NT5DC1: variants seen among roughly 807,000 people sequenced by gnomAD.
NT5DC1 encodes the protein 5'-nucleotidase domain-containing protein 1.
In NT5DC1, 42 loss-of-function variants were observed where a neutral mutation model predicts 59.4. The ratio of observed to expected loss-of-function variants is 0.71; its 90% CI spans 0.55 to 0.92. The LOEUF is 0.92. NT5DC1 is among the 40% of genes least tolerant of loss of function. The probability of loss-of-function intolerance (pLI) is 0.00; values close to 1 mark genes in which losing one functional copy is unlikely to be tolerated. For synonymous variants in NT5DC1, 172 were observed against 188.1 expected (o/e 0.91, Z 0.70); for missense variants, 501 against 537.1 (o/e 0.93, Z 0.66).
chr6:116,105,507 G>A (rs549996149), intron 1 of NT5DC1, among the ~76,000 whole-genome samples: 3 of 152,306 alleles, frequency 2.0e-5, no homozygotes, highest in African/African-American at 7.2e-5. Flanking sequence ...AGAACACTTC[G>A]AGGTAGAATA....
At chr6:116,200,272 A>G (rs550212737) in intron 6 of NT5DC1, among the ~76,000 whole-genome samples, 5 of 152,068 alleles carry the variant, frequency 3.3e-5, no homozygotes, top group Non-Finnish European at 7.4e-5. Context: ...GTCTGAAACT[A>G]TGTCACGGTC....
rs1771794327 is a variant in NT5DC1, at chr6:116,244,239, T to C, written c.*215T>C. ...CCTAAAACTTAGAACCTTATTGATATTTTCTATACAGTAGTTTTGTGATTA... is the reference window on the plus strand; with the variant it reads ...CCTAAAACTTAGAACCTTATTGATACTTTCTATACAGTAGTTTTGTGATTA... On this transcript the variant is annotated 3_prime_UTR_variant, in exon 12 of 12. Coordinates refer to ENST00000319550, the MANE Select transcript of NT5DC1 (RefSeq NM_152729.3). The C allele has an allele frequency of 2.8e-6, 1 of 354,030 alleles. No individual in the cohort carries two copies. The highest frequency in any genetic ancestry group is 5.1e-6 in the Non-Finnish European group (1 of 195,758). 21.9% of individuals were successfully genotyped at this position (354,030 alleles called of 1,614,324 possible). A position where few individuals can be genotyped will look rare whatever the true frequency, so the allele number is the denominator to read the frequency against.
At chr6:116,115,313 G>T (rs755059304) in intron 4 of NT5DC1, among the ~76,000 whole-genome samples, 1 of 152,136 alleles carries the variant, frequency 6.6e-6, no homozygotes, top group Non-Finnish European at 1.5e-5. Context: ...TGTATAGAGC[G>T]CTTCATGGTA....
At chr6:116,170,464 T>C (rs1780580344) in intron 6 of NT5DC1, among the ~76,000 whole-genome samples, 1 of 152,184 alleles carries the variant, frequency 6.6e-6, no homozygotes, top group South Asian at 2.1e-4. Context: ...ATAGCCACCA[T>C]TTTCTCATAG....
intron 6 of NT5DC1, among the ~76,000 whole-genome samples, chr6:116,144,361 C>T (rs778207329): frequency 2.0e-5 from 3 of 151,964 alleles, no homozygotes; most frequent in South Asian, 2.1e-4. Context: ...ATTAGCTGGG[C>T]GTGATGGTGC....
chr6:116,178,070 T>C (rs1011083175), intron 6 of NT5DC1, among the ~76,000 whole-genome samples: 8 of 110,640 alleles, frequency 7.2e-5, no homozygotes, highest in African/African-American at 3.4e-4. Context: ...TGTGTGTGTG[T>C]GTGTGTGTGT....
At chr6:116,181,342 A>C (rs867776107) in intron 6 of NT5DC1, among the ~76,000 whole-genome samples, 1 of 152,134 alleles carries the variant, frequency 6.6e-6, no homozygotes, top group Non-Finnish European at 1.5e-5. Flanking sequence ...CAAATTCAGA[A>C]TATATAAAAA....
At chr6:116,156,608 T>C (rs944556826) in intron 6 of NT5DC1, among the ~76,000 whole-genome samples, 4 of 152,156 alleles carry the variant, frequency 2.6e-5, no homozygotes, top group African/African-American at 9.7e-5. Flanking sequence ...GTGGAGGCAA[T>C]GGTAATTTAG....
chr6:116,217,162 A>G (rs1023814018), intron 6 of NT5DC1, among the ~76,000 whole-genome samples: 1 of 151,508 alleles, frequency 6.6e-6, no homozygotes, highest in Non-Finnish European at 1.5e-5. Flanking sequence ...ACTGTTTTTA[A>G]TATTCAGGTT....
At position 116,127,675 on chromosome 6, in the gene NT5DC1, G is replaced by T. The variant is rs1160504038; in HGVS notation, c.529+9730G>T. Among the ~76,000 whole-genome samples, 3 of 151,982 alleles carry T rather than the reference G, an allele frequency of 2.0e-5. No homozygotes were observed. The East Asian group carries it at 5.8e-4, about 29-fold the overall frequency. The stretch of plus-strand genomic sequence containing the variant: ...ACTTTATGGATGCTTTTGAATGCTA[G>T]GTTGAATTTGTTTTGAAAGGAATTA... On this transcript the variant is annotated intron_variant, in intron 6 of 11. Transcript: ENST00000319550.
intron 6 of NT5DC1, among the ~76,000 whole-genome samples, chr6:116,177,645 A>G (rs544872776): frequency 1.6e-4 from 24 of 152,320 alleles, no homozygotes; most frequent in African/African-American, 5.8e-4. Flanking sequence ...TACTTAAAGG[A>G]ATTTATCTAA....
chr6:116,230,894 G>A (rs1278311378), intron 8 of NT5DC1, among the ~76,000 whole-genome samples: 1 of 151,968 alleles, frequency 6.6e-6, no homozygotes, highest in East Asian at 1.9e-4. Context: ...ACAGCTCCCC[G>A]AATGAAGGAG....
intron 8 of NT5DC1, among the ~76,000 whole-genome samples, chr6:116,226,143 T>C (rs1361687051): frequency 6.6e-6 from 1 of 152,196 alleles, no homozygotes. Flanking sequence ...TAATCTGTTA[T>C]CAAGAATTCT....
intron 6 of NT5DC1, among the ~76,000 whole-genome samples, chr6:116,143,367 T>C (rs1171282816): frequency 2.6e-5 from 4 of 152,066 alleles, no homozygotes; most frequent in Non-Finnish European, 5.9e-5. Flanking sequence ...TGCATCACCA[T>C]ACCCAGCTAA....
chr6:116,150,550 G>A (rs1780014106), intron 6 of NT5DC1, among the ~76,000 whole-genome samples: 1 of 152,142 alleles, frequency 6.6e-6, no homozygotes, highest in African/African-American at 2.4e-5. Flanking sequence ...CTCCCAAAAC[G>A]CTGGGATTAC....
intron 8 of NT5DC1, among the ~76,000 whole-genome samples, chr6:116,236,076 C>A (rs948758063): frequency 6.6e-6 from 1 of 152,148 alleles, no homozygotes; most frequent in Non-Finnish European, 1.5e-5. Flanking sequence ...TCATAAGATT[C>A]TTCTTAGTGG....
At chr6:116,137,753 C>G (rs898163527) in intron 6 of NT5DC1, among the ~76,000 whole-genome samples, 3 of 152,040 alleles carry the variant, frequency 2.0e-5, no homozygotes, top group Non-Finnish European at 2.9e-5. Flanking sequence ...TATGGAAAAC[C>G]AGTTATCTTT....
intron 2 of NT5DC1, 133 bp downstream of exon 2, chr6:116,106,468 G>A (rs1314643708): frequency 1.3e-5 from 8 of 605,196 alleles, no homozygotes; most frequent in Non-Finnish European, 2.0e-5. Context: ...AAGGACAAAT[G>A]CCTTCTATAT....
intron 6 of NT5DC1, among the ~76,000 whole-genome samples, chr6:116,196,752 A>G (rs912620559): frequency 6.6e-6 from 1 of 151,748 alleles, no homozygotes; most frequent in Non-Finnish European, 1.5e-5. Context: ...CGGTGTTGGG[A>G]ATGCTGGCTC....
Sources: gnomAD v4.1 joint callset for allele counts (sites outside exome capture counted in the v4.1 genomes callset) on GRCh38, gnomAD v4.1.1 for gene constraint, MANE v1.5 for transcripts, NCBI Gene and HGNC (gene_info 2026-07-23, HGNC 2026-07-21) for gene names.